The following PDGFD variants were observed in gnomAD, a reference collection of about 807,000 sequenced individuals.
PDGFD encodes the protein platelet-derived growth factor D.
Under a neutral mutation model 44.7 loss-of-function variants are expected in PDGFD, and 30 were observed. The ratio of observed to expected loss-of-function variants is 0.67; its 90% CI spans 0.50 to 0.91. The LOEUF (loss-of-function observed/expected upper bound fraction) is 0.91, where lower values mean the gene tolerates loss of function less well. Ranked by LOEUF, PDGFD falls within the 40% of genes least tolerant of loss-of-function variation. The probability of loss-of-function intolerance (pLI) is 0.00; values close to 1 mark genes in which losing one functional copy is unlikely to be tolerated. For synonymous variants in PDGFD, 173 were observed against 168.4 expected (o/e 1.03, Z -0.21); for missense variants, 445 against 457.8 (o/e 0.97, Z 0.25).
intron 1 of PDGFD, among the ~76,000 whole-genome samples, chr11:104,055,771 T>C (rs901836062): frequency 2.0e-5 from 3 of 152,184 alleles, no homozygotes; most frequent in South Asian, 2.1e-4. Flanking sequence ...TAATGTGCTA[T>C]AGAAATTACT....
chr11:103,926,564 C>T, intron 6 of PDGFD, among the ~76,000 whole-genome samples: 1 of 152,160 alleles, frequency 6.6e-6, no homozygotes, highest in Admixed American at 6.5e-5. Flanking sequence ...CCGTCATATC[C>T]TGTAAATGAA....
intron 1 of PDGFD, among the ~76,000 whole-genome samples, chr11:104,114,863 A>G (rs1861609360): frequency 6.6e-6 from 1 of 150,868 alleles, no homozygotes; most frequent in Non-Finnish European, 1.5e-5. Flanking sequence ...GCTAATTTAA[A>G]TCATAACATT....
At chr11:104,036,879 C>A in intron 1 of PDGFD, 1 of 1,614,156 alleles carries the variant, frequency 6.2e-7, no homozygotes, top group Non-Finnish European at 8.5e-7. Flanking sequence ...CCTTCTCTCT[C>A]CAGGTCAGCC....
At chr11:103,916,690 A>C (rs1440774048) in intron 6 of PDGFD, among the ~76,000 whole-genome samples, 1 of 152,192 alleles carries the variant, frequency 6.6e-6, no homozygotes, top group African/African-American at 2.4e-5. Context: ...AACCAACCCA[A>C]ATGTCCATCA....
chr11:104,133,900 T>C (rs1259449864), intron 1 of PDGFD, among the ~76,000 whole-genome samples: 1 of 152,068 alleles, frequency 6.6e-6, no homozygotes, highest in East Asian at 1.9e-4. Context: ...ACCAGGGACA[T>C]GATATGGTAA....
rs116513986 is a variant in PDGFD, at chr11:104,034,981, T to G, written c.125-34726A>C. 2.6e-3 allele frequency among the ~76,000 whole-genome samples: 399 copies of G among 152,224 alleles called. 2 individuals are homozygous for G. Among genetic ancestry groups the G allele is most frequent in the African/African-American group, 9.3e-3 (388 of 41,548 alleles). On this transcript the variant is annotated intron_variant, in intron 1 of 6. Coordinates refer to ENST00000393158, the MANE Select transcript of PDGFD (RefSeq NM_025208.5). ...TAAACATAGAGAAAAATAACTGGCA[T>G]GCAAGGATTTCTACCCAATCATCAT...
At chr11:103,917,704 G>T (rs1387233734) in intron 6 of PDGFD, among the ~76,000 whole-genome samples, 1 of 152,088 alleles carries the variant, frequency 6.6e-6, no homozygotes, top group East Asian at 1.9e-4. Context: ...CTTGTCCAGG[G>T]TCTTCCCCTG....
At chr11:104,036,811 C>T (rs772275646) in intron 1 of PDGFD, 6 of 1,607,416 alleles carry the variant, frequency 3.7e-6, no homozygotes, top group Admixed American at 3.4e-5. Context: ...CCGGCCCGCC[C>T]GGGCCCCCGC....
chr11:104,095,180 T>C (rs898441232), intron 1 of PDGFD, among the ~76,000 whole-genome samples: 11 of 152,196 alleles, frequency 7.2e-5, no homozygotes, highest in African/African-American at 2.7e-4. Context: ...ATCCCCAGTA[T>C]TCTTCCCTTA....
chr11:104,010,325 C>T (rs1240712301), intron 1 of PDGFD, among the ~76,000 whole-genome samples: 1 of 151,634 alleles, frequency 6.6e-6, no homozygotes. Context: ...CAAAATTATT[C>T]TTCTTCAAGA....
intron 1 of PDGFD, among the ~76,000 whole-genome samples, chr11:104,154,915 A>T (rs976559078): frequency 6.6e-6 from 1 of 152,198 alleles, no homozygotes; most frequent in Non-Finnish European, 1.5e-5. Flanking sequence ...TTTACAAAAA[A>T]AGTCTGCCAA....
chr11:103,937,966 A>G (rs1370607461), intron 5 of PDGFD, among the ~76,000 whole-genome samples: 3 of 151,368 alleles, frequency 2.0e-5, no homozygotes, highest in Admixed American at 6.6e-5. Flanking sequence ...TTGGACATTT[A>G]GGTTGGTTCC....
At chr11:104,043,705 T>C (rs1228442442) in intron 1 of PDGFD, among the ~76,000 whole-genome samples, 1 of 152,152 alleles carries the variant, frequency 6.6e-6, no homozygotes, top group East Asian at 1.9e-4. Context: ...CTTTCACTTA[T>C]GGTGGAAGAC....
chr11:104,030,345 T>C (rs990825533), intron 1 of PDGFD, among the ~76,000 whole-genome samples: 21 of 152,162 alleles, frequency 1.4e-4, no homozygotes, highest in African/African-American at 5.1e-4. Flanking sequence ...ATAAAATATC[T>C]TAATAGGCTG....
At chr11:103,938,152 T>C (rs1858522572) in intron 5 of PDGFD, among the ~76,000 whole-genome samples, 1 of 151,946 alleles carries the variant, frequency 6.6e-6, no homozygotes. Flanking sequence ...ATGGTTGAAC[T>C]AGTTCACAGT....
At chr11:103,978,094 A>T (rs1859210674) in intron 3 of PDGFD, among the ~76,000 whole-genome samples, 1 of 152,066 alleles carries the variant, frequency 6.6e-6, no homozygotes, top group Non-Finnish European at 1.5e-5. Flanking sequence ...TCCATTGCTA[A>T]CAGCTGGGAA....
intron 1 of PDGFD, among the ~76,000 whole-genome samples, chr11:104,153,605 A>G (rs1255129143): frequency 6.6e-6 from 1 of 152,144 alleles, no homozygotes; most frequent in African/African-American, 2.4e-5. Context: ...AACAATTGTG[A>G]TGTGTCTGGA....
intron 1 of PDGFD, among the ~76,000 whole-genome samples, chr11:104,065,286 C>A (rs190886198): frequency 5.3e-5 from 8 of 152,236 alleles, no homozygotes; most frequent in Non-Finnish European, 1.2e-4. Flanking sequence ...CCTATTATTT[C>A]TGTCCCTTTA....
At chr11:103,913,444 TG>T (rs1428571008) in intron 6 of PDGFD, among the ~76,000 whole-genome samples, 5 of 152,208 alleles carry the variant, frequency 3.3e-5, no homozygotes, top group African/African-American at 1.2e-4. Flanking sequence ...AGATGTTCTT[TG>T]AAACCAATGA....
Sources: allele counts gnomAD v4.1 joint callset (sites outside exome capture counted in the v4.1 genomes callset), GRCh38; gene constraint gnomAD v4.1.1; transcripts MANE v1.5; gene names NCBI Gene and HGNC (gene_info 2026-07-23, HGNC 2026-07-21).